The following BMAL1 variants were observed in gnomAD, a reference collection of about 807,000 sequenced individuals.
BMAL1 encodes basic helix-loop-helix ARNT like 1, also known as basic helix-loop-helix ARNT-like protein 1.
chr11:13,285,198 A>G, the BMAL1 span, among the ~76,000 whole-genome samples: 3 of 152,148 alleles, frequency 2.0e-5, no homozygotes, highest in Admixed American at 6.5e-5. Flanking sequence ...GCAAATTACC[A>G]TATCATACTG....
chr11:13,364,459 AAG>A, the BMAL1 span, among the ~76,000 whole-genome samples: 1 of 152,230 alleles, frequency 6.6e-6, no homozygotes, highest in Admixed American at 6.5e-5. Flanking sequence ...TTTGTGGAAA[AAG>A]AGAACAGTTT....
chr11:13,297,787 T>C, the BMAL1 span, among the ~76,000 whole-genome samples: 1 of 152,230 alleles, frequency 6.6e-6, no homozygotes, highest in Non-Finnish European at 1.5e-5. Flanking sequence ...CAGATCTCTC[T>C]TGAGCCTCAA....
the BMAL1 span, among the ~76,000 whole-genome samples, chr11:13,346,720 C>T: frequency 6.6e-6 from 1 of 152,184 alleles, no homozygotes; most frequent in Non-Finnish European, 1.5e-5. Context: ...GCCCTGCTTT[C>T]TCTGGCGGTC....
the BMAL1 span, among the ~76,000 whole-genome samples, chr11:13,370,663 TC>T: frequency 6.6e-6 from 1 of 152,176 alleles, no homozygotes; most frequent in Non-Finnish European, 1.5e-5. Flanking sequence ...TTCACTCAGC[TC>T]CAGGCTGCCC....
At chr11:13,353,701 C>T in the BMAL1 span, among the ~76,000 whole-genome samples, 1 of 152,008 alleles carries the variant, frequency 6.6e-6, no homozygotes. Context: ...GCCTTTAGTC[C>T]CAGCTTCCCA....
chr11:13,317,492 T>A, the BMAL1 span, among the ~76,000 whole-genome samples: 1 of 152,312 alleles, frequency 6.6e-6, no homozygotes, highest in East Asian at 1.9e-4. Flanking sequence ...AGAAGAGCCA[T>A]TATTTCAATG....
the BMAL1 span, among the ~76,000 whole-genome samples, chr11:13,358,123 A>G: frequency 1.3e-5 from 2 of 152,162 alleles, no homozygotes; most frequent in Non-Finnish European, 2.9e-5. Context: ...TCAAAATCCA[A>G]TTTGACAAAG....
the BMAL1 span, among the ~76,000 whole-genome samples, chr11:13,353,867 G>A: frequency 1.3e-5 from 2 of 152,130 alleles, no homozygotes; most frequent in African/African-American, 4.8e-5. Context: ...TTAGCTTTGT[G>A]TGTGGAGAAA....
the BMAL1 span, chr11:13,380,139 T>C: frequency 5.9e-5 from 9 of 152,200 alleles, no homozygotes; most frequent in Non-Finnish European, 8.8e-5. Flanking sequence ...AGTGGTTTCA[T>C]AGACATAAGT....
At chr11:13,354,202 C>CCCCCCCCCCCCCCAAAA in the BMAL1 span, 1 of 742,842 alleles carries the variant, frequency 1.3e-6, no homozygotes, top group Non-Finnish European at 2.0e-6. Flanking sequence ...CCCCCCCGGC[C>CCCCCCCCCCCCCCAAAA]CCCCACCACC....
At chr11:13,336,627 C>T in the BMAL1 span, among the ~76,000 whole-genome samples, 5 of 152,128 alleles carry the variant, frequency 3.3e-5, no homozygotes, top group African/African-American at 1.2e-4. Context: ...AGGAGGATCC[C>T]CAGGAGAGAG....
chr11:13,376,956 T>C, the BMAL1 span, among the ~76,000 whole-genome samples: 1 of 152,214 alleles, frequency 6.6e-6, no homozygotes, highest in South Asian at 2.1e-4. Context: ...CCAAAGCTGC[T>C]GGCCCCTGGA....
At chr11:13,363,113 CTA>C in the BMAL1 span, among the ~76,000 whole-genome samples, 1 of 126,444 alleles carries the variant, frequency 7.9e-6, no homozygotes, top group Non-Finnish European at 1.7e-5. Context: ...GAAAAAGAAT[CTA>C]TGTCTTTATT....
At chr11:13,350,766 G>C in the BMAL1 span, among the ~76,000 whole-genome samples, 1 of 151,906 alleles carries the variant, frequency 6.6e-6, no homozygotes, top group Non-Finnish European at 1.5e-5. Flanking sequence ...TAAAATCTTA[G>C]AAAAAAGAAT....
At chr11:13,354,210 A>ACC in the BMAL1 span, 2 of 273,518 alleles carry the variant, frequency 7.3e-6, no homozygotes, top group South Asian at 3.9e-5. Flanking sequence ...GCCCCCCACC[A>ACC]CCAAACCCCC....
At chr11:13,376,076 A>AG in the BMAL1 span, among the ~76,000 whole-genome samples, 1 of 152,128 alleles carries the variant, frequency 6.6e-6, no homozygotes, top group Non-Finnish European at 1.5e-5. Context: ...GCTGCTGTGG[A>AG]GGAAGGGGTT....
chr11:13,371,516 T>G, the BMAL1 span, among the ~76,000 whole-genome samples: 30 of 152,330 alleles, frequency 2.0e-4, no homozygotes, highest in African/African-American at 6.7e-4. Context: ...TGAATCAGCC[T>G]TCCTACTTCT....
the BMAL1 span, among the ~76,000 whole-genome samples, chr11:13,288,484 T>C: frequency 1.4e-5 from 2 of 147,740 alleles, no homozygotes; most frequent in Non-Finnish European, 1.5e-5. Flanking sequence ...GAGCTGGAAA[T>C]AGGCAAGGCT....
chr11:13,328,370 G>C, the BMAL1 span, among the ~76,000 whole-genome samples: 1 of 151,926 alleles, frequency 6.6e-6, no homozygotes, highest in South Asian at 2.1e-4. Flanking sequence ...AAGTTTTAAG[G>C]TATGGGTTTG....
Sources: gnomAD v4.1 joint callset for allele counts (sites outside exome capture counted in the v4.1 genomes callset) on GRCh38, gnomAD v4.1.1 for gene constraint, MANE v1.5 for transcripts, NCBI Gene and HGNC (gene_info 2026-07-23, HGNC 2026-07-21) for gene names.